PRKD3: variants seen among roughly 807,000 people sequenced by gnomAD.
PRKD3 encodes the protein protein kinase D3.
PRKD3 carries 47 observed loss-of-function variants against 99.2 expected under a neutral mutation model. The observed-to-expected ratio is 0.47, with a 90% CI of 0.38 to 0.60. The LOEUF is 0.60. Ranked by LOEUF, PRKD3 falls within the 20% of genes least tolerant of loss-of-function variation. The probability of loss-of-function intolerance (pLI) is 0.00; values close to 1 mark genes in which losing one functional copy is unlikely to be tolerated. For missense variants in PRKD3, 1,019 were observed against 1,088.4 expected (o/e 0.94, Z 0.90); for synonymous variants, 392 against 355.4 (o/e 1.10, Z -1.16).
intron 7 of PRKD3, among the ~76,000 whole-genome samples, chr2:37,281,288 A>T (rs1217982456): frequency 6.6e-6 from 1 of 152,222 alleles, no homozygotes; most frequent in Non-Finnish European, 1.5e-5. Context: ...AAACACAAAT[A>T]CATGAAGTAT....
At chr2:37,289,284 G>T in intron 5 of PRKD3, 72 bp downstream of exon 5, 1 of 1,490,786 alleles carries the variant, frequency 6.7e-7, no homozygotes, top group Non-Finnish European at 9.2e-7. Flanking sequence ...ATGTTCTAGA[G>T]TGATGTCATA....
chr2:37,275,083 G>C (rs1016468920), intron 10 of PRKD3, among the ~76,000 whole-genome samples: 3 of 152,068 alleles, frequency 2.0e-5, no homozygotes, highest in Non-Finnish European at 2.9e-5. Flanking sequence ...CAGAAATAAT[G>C]GCAGAAAAAG....
intron 2 of PRKD3, among the ~76,000 whole-genome samples, chr2:37,298,071 A>G (rs1276222386): frequency 2.0e-5 from 3 of 152,210 alleles, no homozygotes; most frequent in African/African-American, 4.8e-5. Context: ...ACATTTATAT[A>G]TATCAATATA....
intron 14 of PRKD3, 58 bp from the exon 15 acceptor site, chr2:37,260,442 A>C: frequency 6.9e-7 from 1 of 1,443,952 alleles, no homozygotes; most frequent in Admixed American, 1.7e-5. Flanking sequence ...TTTTACTAAT[A>C]TCTAGATGTG....
At chr2:37,310,502 ATAAC>A (rs1671378914) in intron 2 of PRKD3, among the ~76,000 whole-genome samples, 1 of 152,252 alleles carries the variant, frequency 6.6e-6, no homozygotes, top group Non-Finnish European at 1.5e-5. Flanking sequence ...GGTTTTAACT[ATAAC>A]ACTATACTGC....
In PRKD3 at chr2:37,251,118, C is replaced by CATT. The variant is rs1462429251; in HGVS notation, c.*2056_*2058dup. ...ATTGCCTAGTGACTCAGAATTATTC[C>CATT]ATTTTGTGTGTGTTGATATAAACAG... On this transcript the variant is annotated 3_prime_UTR_variant, in exon 19 of 19. Coordinates refer to ENST00000234179, the MANE Select transcript of PRKD3 (RefSeq NM_005813.6). 1 of 152,478 alleles carries CATT rather than the reference C, an allele frequency of 6.6e-6. No individual in the cohort carries two copies. The highest frequency in any genetic ancestry group is 2.4e-5 in the African/African-American group (1 of 41,400). The allele number at this position is 152,478 out of a possible 1,614,324, so 9.4% of individuals were successfully genotyped here.
chr2:37,287,538 C>T (rs1670179823), intron 5 of PRKD3, among the ~76,000 whole-genome samples: 1 of 152,142 alleles, frequency 6.6e-6, no homozygotes, highest in Non-Finnish European at 1.5e-5. Context: ...GCTGAAAGAT[C>T]TCAGGACATC....
intron 1 of PRKD3, chr2:37,324,177 C>T (rs1672010515): frequency 1.3e-5 from 13 of 985,294 alleles, no homozygotes; most frequent in Non-Finnish European, 1.6e-5. Context: ...GGCTTACATT[C>T]TCCAAGCACC....
chr2:37,321,266 GAGCT>G (rs1426118157), intron 1 of PRKD3, among the ~76,000 whole-genome samples: 1 of 152,054 alleles, frequency 6.6e-6, no homozygotes, highest in African/African-American at 2.4e-5. Flanking sequence ...TTCTTTTGGG[GAGCT>G]AGCTGTCACA....
chr2:37,310,903 T>C (rs1444960329), intron 2 of PRKD3, among the ~76,000 whole-genome samples: 1 of 152,196 alleles, frequency 6.6e-6, no homozygotes, highest in Non-Finnish European at 1.5e-5. Context: ...CACCTGCTCA[T>C]TGCTGGCAAC....
chr2:37,303,507 C>G (rs1398516872), intron 2 of PRKD3, among the ~76,000 whole-genome samples: 3 of 151,970 alleles, frequency 2.0e-5, no homozygotes, highest in Admixed American at 6.6e-5. Flanking sequence ...GCACCACAAC[C>G]TAAGTGCCGC....
At chr2:37,281,549 C>CA (rs1432565994) in intron 7 of PRKD3, among the ~76,000 whole-genome samples, 4 of 152,078 alleles carry the variant, frequency 2.6e-5, no homozygotes, top group Non-Finnish European at 5.9e-5. Flanking sequence ...TGTGAGAATG[C>CA]AACTACAAGG....
At chr2:37,312,718 A>C (rs151020500) in intron 2 of PRKD3, among the ~76,000 whole-genome samples, 319 of 152,334 alleles carry the variant, frequency 2.1e-3, no homozygotes, top group Non-Finnish European at 3.6e-3. Flanking sequence ...CAGCGCTGTT[A>C]GCTGTGAGTA....
chr2:37,266,211 A>G (rs888938301), intron 14 of PRKD3, among the ~76,000 whole-genome samples: 6 of 152,376 alleles, frequency 3.9e-5, no homozygotes, highest in African/African-American at 1.4e-4. Flanking sequence ...AACAAGTAAC[A>G]TAATAAATGT....
intron 14 of PRKD3, among the ~76,000 whole-genome samples, chr2:37,261,924 G>C (rs1325643192): frequency 6.6e-6 from 1 of 151,752 alleles, no homozygotes; most frequent in Admixed American, 6.6e-5. Context: ...GTTTTTTTGA[G>C]TATTCATAAA....
intron 13 of PRKD3, 92 bp from the exon 14 acceptor site, chr2:37,267,628 T>C (rs371370192): frequency 2.2e-5 from 21 of 942,954 alleles, no homozygotes; most frequent in South Asian, 2.2e-4. Context: ...GTATTTACTC[T>C]TGAATTTTCT....
intron 2 of PRKD3, among the ~76,000 whole-genome samples, chr2:37,308,577 C>T (rs2124886095): frequency 6.7e-6 from 1 of 149,670 alleles, no homozygotes; most frequent in East Asian, 2.0e-4. Context: ...GCCTCAGCCT[C>T]CCGAGTAGTT....
In PRKD3 at chr2:37,319,329, GAA is replaced by G. The variant is rs1437726532; in HGVS notation, c.-655-2152_-655-2151del. 5.9e-5 allele frequency among the ~76,000 whole-genome samples: 9 copies of G among 152,258 alleles called. No individual in the cohort carries two copies. In the South Asian group the frequency reaches 1.5e-3, roughly 25 times the overall value. The stretch of plus-strand genomic sequence containing the variant: ...GCTGCTCTGTGTCACCTTAGATGAG[GAA>G]AGTCTTTACGGAACTGCCTTGAAAC... On this transcript the variant is annotated intron_variant, in intron 1 of 18. Coordinates refer to ENST00000234179, the MANE Select transcript of PRKD3 (RefSeq NM_005813.6).
At chr2:37,314,433 C>G (rs550921556) in intron 2 of PRKD3, among the ~76,000 whole-genome samples, 130 of 152,256 alleles carry the variant, frequency 8.5e-4, no homozygotes, top group Middle Eastern at 3.4e-3. Context: ...ATCTGGTTCT[C>G]CAAGAATTTC....
Sources: allele counts gnomAD v4.1 joint callset (sites outside exome capture counted in the v4.1 genomes callset), GRCh38; gene constraint gnomAD v4.1.1; transcripts MANE v1.5; gene names NCBI Gene and HGNC (gene_info 2026-07-23, HGNC 2026-07-21).